The following FARS2 variants were observed in gnomAD, a reference collection of about 807,000 sequenced individuals.
FARS2 encodes the protein phenylalanyl-tRNA synthetase 2, mitochondrial.
A neutral mutation model predicts 46.4 loss-of-function variants in FARS2; 40 were observed. The ratio of observed to expected loss-of-function variants is 0.86; its 90% CI spans 0.67 to 1.12. The LOEUF (loss-of-function observed/expected upper bound fraction) is 1.12. FARS2 is among the 50% of genes most tolerant of loss of function. The pLI is 0.00. For missense variants in FARS2, 513 were observed against 567.9 expected, an observed-to-expected ratio of 0.90 and a Z score of 0.98; for synonymous variants, 234 against 214.9, an observed-to-expected ratio of 1.09 and a Z score of -0.78.
chr6:5,381,689 G>A (rs1411312730), intron 2 of FARS2, among the ~76,000 whole-genome samples: 3 of 152,166 alleles, frequency 2.0e-5, no homozygotes, highest in South Asian at 4.1e-4. Flanking sequence ...TTTGGTGGTC[G>A]ATTATGTAAG....
intron 4 of FARS2, among the ~76,000 whole-genome samples, chr6:5,525,947 AC>A (rs565601471): frequency 1.0e-3 from 159 of 152,380 alleles, no homozygotes; most frequent in Non-Finnish European, 1.7e-3. Flanking sequence ...GAGAAAACAG[AC>A]GTCTTTACAA....
chr6:5,564,609 T>A (rs763646108), intron 5 of FARS2, among the ~76,000 whole-genome samples: 1 of 152,228 alleles, frequency 6.6e-6, no homozygotes, highest in Non-Finnish European at 1.5e-5. Flanking sequence ...TAGTTATGAA[T>A]AAACTTTAGA....
At chr6:5,622,357 A>C (rs565903458) in intron 6 of FARS2, among the ~76,000 whole-genome samples, 1 of 152,334 alleles carries the variant, frequency 6.6e-6, no homozygotes, top group African/African-American at 2.4e-5. Context: ...CTCTATTTGC[A>C]TTTAAACTTT....
At chr6:5,596,263 C>T (rs116641232) in intron 5 of FARS2, among the ~76,000 whole-genome samples, 1,541 of 152,234 alleles carry the variant, frequency 0.01, 9 homozygotes, top group South Asian at 0.015. Context: ...GTCACACGCA[C>T]CTCTGCTTTG....
At chr6:5,395,466 G>C (rs1035082333) in intron 2 of FARS2, among the ~76,000 whole-genome samples, 3 of 152,004 alleles carry the variant, frequency 2.0e-5, no homozygotes, top group African/African-American at 7.3e-5. Flanking sequence ...TTGGAACCTG[G>C]GGTCTTTCTG....
intron 6 of FARS2, among the ~76,000 whole-genome samples, chr6:5,623,322 G>A (rs1259147814): frequency 1.3e-5 from 2 of 152,174 alleles, no homozygotes; most frequent in African/African-American, 4.8e-5. Context: ...TGGGAAGTTG[G>A]GATAATGAAG....
At chr6:5,309,454 C>T (rs1054489529) in intron 1 of FARS2, among the ~76,000 whole-genome samples, 3 of 152,060 alleles carry the variant, frequency 2.0e-5, no homozygotes, top group African/African-American at 7.2e-5. Context: ...GATTAACATC[C>T]TGATGCAGAT....
At chr6:5,759,538 G>T (rs1395104501) in intron 6 of FARS2, among the ~76,000 whole-genome samples, 1 of 152,142 alleles carries the variant, frequency 6.6e-6, no homozygotes, top group Non-Finnish European at 1.5e-5. Flanking sequence ...ATGAATAAAT[G>T]AATTGAGTGG....
At chr6:5,644,957 A>G (rs1777004784) in intron 6 of FARS2, among the ~76,000 whole-genome samples, 1 of 152,240 alleles carries the variant, frequency 6.6e-6, no homozygotes, top group African/African-American at 2.4e-5. Flanking sequence ...CCTAGAAAAG[A>G]GACTGAACAA....
intron 6 of FARS2, among the ~76,000 whole-genome samples, chr6:5,614,730 T>C (rs572680207): frequency 6.6e-6 from 1 of 152,324 alleles, no homozygotes; most frequent in East Asian, 1.9e-4. Context: ...ATTCATTCTC[T>C]AGATAAAGAT....
At chr6:5,651,820 A>AT (rs770576063) in intron 6 of FARS2, among the ~76,000 whole-genome samples, 50 of 152,200 alleles carry the variant, frequency 3.3e-4, no homozygotes, top group Admixed American at 1.4e-3. Context: ...GTGCTTAATC[A>AT]TTAGTCTAAA....
intron 4 of FARS2, among the ~76,000 whole-genome samples, chr6:5,520,002 G>A (rs565402990): frequency 1.3e-5 from 2 of 152,216 alleles, no homozygotes; most frequent in African/African-American, 4.8e-5. Flanking sequence ...AAATAGACTG[G>A]GGTCTCCCTG....
rs1359983354 is a variant in FARS2, at chr6:5,630,295, G to A, written c.1217+16975G>A. ...CATTGGAAGGTACAGTCTCTTGCAG[G>A]AGTGAGACTGTAGTGTCATCAGAAA... is the stretch of plus-strand genomic sequence containing the variant. On this transcript the variant is annotated intron_variant, in intron 6 of 6. Transcript: ENST00000274680. The surrounding 1 kb of genome is among the most constrained non-coding windows in gnomAD (Gnocchi z 4.2). Among the ~76,000 whole-genome samples the A allele has an allele frequency of 1.3e-5, 2 of 152,188 alleles. No homozygotes were observed. Among genetic ancestry groups the A allele is most frequent in the Non-Finnish European group, 2.9e-5 (2 of 68,042 alleles).
At chr6:5,504,954 C>T (rs1352339133) in intron 4 of FARS2, among the ~76,000 whole-genome samples, 2 of 152,114 alleles carry the variant, frequency 1.3e-5, no homozygotes, top group African/African-American at 4.8e-5. Flanking sequence ...AGATGCAAGC[C>T]ATCACACCTG....
intron 6 of FARS2, among the ~76,000 whole-genome samples, chr6:5,634,107 TTC>T (rs1776426487): frequency 6.6e-6 from 1 of 152,308 alleles, no homozygotes; most frequent in Admixed American, 6.5e-5. Context: ...TACTTACATT[TTC>T]TCTTAAGTTG....
chr6:5,627,523 G>A (rs979950067), intron 6 of FARS2, among the ~76,000 whole-genome samples: 3 of 152,206 alleles, frequency 2.0e-5, no homozygotes, highest in Admixed American at 2.0e-4. Flanking sequence ...GTCCGGCAAT[G>A]CACATGGCAT....
At chr6:5,575,831 ATTTTG>A (rs1772930298) in intron 5 of FARS2, among the ~76,000 whole-genome samples, 1 of 152,128 alleles carries the variant, frequency 6.6e-6, no homozygotes, top group African/African-American at 2.4e-5. Flanking sequence ...ATAAAATTCT[ATTTTG>A]TTCTGTTTTA....
chr6:5,556,065 T>A (rs1395489673), intron 5 of FARS2, among the ~76,000 whole-genome samples: 5 of 152,156 alleles, frequency 3.3e-5, no homozygotes, highest in South Asian at 2.1e-4. Context: ...CAACTTCAGA[T>A]GGTCACTTAT....
At chr6:5,492,098 T>C (rs1410921442) in intron 4 of FARS2, among the ~76,000 whole-genome samples, 1 of 152,200 alleles carries the variant, frequency 6.6e-6, no homozygotes, top group African/African-American at 2.4e-5. Flanking sequence ...GGTATGTGCA[T>C]AGATTTTAAA....
Sources: gnomAD v4.1 joint callset for allele counts (sites outside exome capture counted in the v4.1 genomes callset) on GRCh38, gnomAD v4.1.1 for gene constraint, Gnocchi (gnomAD v3.1) non-coding constraint, MANE v1.5 for transcripts, NCBI Gene and HGNC (gene_info 2026-07-23, HGNC 2026-07-21) for gene names.